Variants in AAMDC observed in about 807,000 individuals in gnomAD.
The protein encoded by AAMDC is mth938 domain-containing protein.
In AAMDC, 16 loss-of-function variants were observed where a neutral mutation model predicts 15.5. The ratio of observed to expected loss-of-function variants is 1.03; its 90% CI spans 0.70 to 1.57. AAMDC has a LOEUF of 1.57. Ranked by LOEUF, AAMDC falls within the 40% of genes most tolerant of loss-of-function variation. The pLI, the probability that AAMDC is intolerant of heterozygous loss-of-function variation, is 0.00. For synonymous variants in AAMDC, 51 were observed against 51.6 expected (o/e 0.99, Z 0.05); for missense variants, 141 against 144.9 (o/e 0.97, Z 0.14).
At chr11:77,883,734 T>A in intron 5 of AAMDC, 1 of 1,263,126 alleles carries the variant, frequency 7.9e-7, no homozygotes, top group Non-Finnish European at 1.1e-6. Context: ...GCCTGATTCA[T>A]CCATGTATTT....
At chr11:77,886,300 T>A (rs1245897460) in intron 5 of AAMDC, among the ~76,000 whole-genome samples, 5 of 152,166 alleles carry the variant, frequency 3.3e-5, no homozygotes, top group Non-Finnish European at 1.5e-5. Flanking sequence ...AAGCCTTCTT[T>A]CATTTGTCTA....
At chr11:77,826,623 T>C (rs1949187666) in intron 1 of AAMDC, among the ~76,000 whole-genome samples, 1 of 152,168 alleles carries the variant, frequency 6.6e-6, no homozygotes, top group South Asian at 2.1e-4. Context: ...CCTGCTACAC[T>C]GGCTAGCCAG....
downstream of AAMDC, among the ~76,000 whole-genome samples, chr11:77,904,426 T>C (rs1472512169): frequency 1.3e-5 from 2 of 152,230 alleles, no homozygotes; most frequent in African/African-American, 2.4e-5. Flanking sequence ...TTTAACCCAG[T>C]ATATCCAAGA....
intron 1 of AAMDC, among the ~76,000 whole-genome samples, chr11:77,838,703 G>T (rs1380507589): frequency 1.4e-5 from 2 of 144,260 alleles, no homozygotes; most frequent in African/African-American, 5.2e-5. Context: ...TGTAAGCTCC[G>T]CCTCCCGGGT....
downstream of AAMDC, chr11:77,903,710 G>A (rs1332307283): frequency 4.3e-6 from 4 of 940,952 alleles, no homozygotes; most frequent in Non-Finnish European, 6.6e-6. Flanking sequence ...TCCTTTGAAA[G>A]TCTCCCATGA....
intron 1 of AAMDC, among the ~76,000 whole-genome samples, chr11:77,827,737 T>C (rs1949243513): frequency 6.6e-6 from 1 of 152,190 alleles, no homozygotes; most frequent in Non-Finnish European, 1.5e-5. Flanking sequence ...TATATCCACT[T>C]ACATTTAATA....
At chr11:77,841,595 C>T (rs1018488123) in intron 1 of AAMDC, among the ~76,000 whole-genome samples, 1 of 152,144 alleles carries the variant, frequency 6.6e-6, no homozygotes, top group Non-Finnish European at 1.5e-5. Flanking sequence ...CCTCTTGAAC[C>T]TTCTTGCTTA....
chr11:77,847,604 A>G lies in AAMDC; in HGVS notation c.132+4976A>G, dbSNP rs78655005. Among the ~76,000 whole-genome samples the G allele has an allele frequency of 1.9e-3, 287 of 152,354 alleles. 3 individuals are homozygous for G. The East Asian group carries it at 0.034, about 18-fold the overall frequency. ...GAAAACTGAGGAATAAGAAGCCTTA[A>G]ATCATGTAGCCTACTTGAACCAAAT... On this transcript the variant is annotated intron_variant, in intron 2 of 3. Coordinates refer to ENST00000393427, the MANE Select transcript of AAMDC (RefSeq NM_024684.4).
At position 77,822,167 on chromosome 11, in the gene AAMDC, C is replaced by T. The variant is rs550260339; in HGVS notation, c.-19+926C>T. Among the ~76,000 whole-genome samples, 10 of 152,152 alleles carry T rather than the reference C, an allele frequency of 6.6e-5. No homozygotes were observed. In the South Asian group the frequency reaches 1.5e-3, roughly 22 times the overall value. ...TTCCTAAAAAGAATTTGGCCGGGCGCGGTGGCTCATGCCTGTAATCCCAAC... is the reference window on the plus strand; with the variant it reads ...TTCCTAAAAAGAATTTGGCCGGGCGTGGTGGCTCATGCCTGTAATCCCAAC... On this transcript the variant is annotated intron_variant, in intron 1 of 3. Coordinates refer to ENST00000393427, the MANE Select transcript of AAMDC (RefSeq NM_024684.4).
intron 5 of AAMDC, among the ~76,000 whole-genome samples, chr11:77,885,664 C>T (rs1951973787): frequency 6.6e-6 from 1 of 151,794 alleles, no homozygotes; most frequent in Admixed American, 6.6e-5. Flanking sequence ...ACTAAAAATA[C>T]AAAAATTAGC....
At chr11:77,899,630 A>G (rs548680204) in intron 5 of AAMDC, among the ~76,000 whole-genome samples, 1 of 152,244 alleles carries the variant, frequency 6.6e-6, no homozygotes, top group South Asian at 2.1e-4. Flanking sequence ...AGATCGGACC[A>G]CTGCACTCCA....
chr11:77,844,436 C>T (rs1950059655), intron 2 of AAMDC, among the ~76,000 whole-genome samples: 1 of 151,920 alleles, frequency 6.6e-6, no homozygotes, highest in Non-Finnish European at 1.5e-5. Context: ...GATCATGGCG[C>T]ACTGTAGTCT....
At position 77,869,773 on chromosome 11, in the gene AAMDC, G is replaced by A; in HGVS notation, c.184G>A (p.Val62Ile). 1 of 1,614,010 alleles carries A rather than the reference G, an allele frequency of 6.2e-7. No homozygotes were observed. Among genetic ancestry groups the A allele is most frequent in the Non-Finnish European group, 8.5e-7 (1 of 1,179,916 alleles). ...TGTGAAGGAAGTTGTTGAGAAGGGTGTACAGACTCTTGTGATTGGCCGAGG... is the reference window on the plus strand; with the variant it reads ...TGTGAAGGAAGTTGTTGAGAAGGGTATACAGACTCTTGTGATTGGCCGAGG... ...ADVKEVVEKG[V>I]QTLVIGRGMS... The change falls in exon 3 of 4, where the codon GTA (valine) becomes ATA (isoleucine). Residue 62 changes from valine to isoleucine, a missense_variant. By Grantham distance (29) the Val-to-Ile change is conservative. Transcript: ENST00000393427.
chr11:77,863,535 T>C (rs965220559), intron 2 of AAMDC, among the ~76,000 whole-genome samples: 4 of 151,858 alleles, frequency 2.6e-5, no homozygotes, highest in African/African-American at 7.3e-5. Flanking sequence ...ATTACAGGCA[T>C]GTGCCACTAC....
chr11:77,853,609 C>T (rs543231473), intron 2 of AAMDC, among the ~76,000 whole-genome samples: 1 of 152,272 alleles, frequency 6.6e-6, no homozygotes, highest in South Asian at 2.1e-4. Context: ...TATCATTCTG[C>T]ATCTGGCCCC....
At chr11:77,869,284 C>T (rs1490467911) in intron 2 of AAMDC, 2 of 170,822 alleles carry the variant, frequency 1.2e-5, no homozygotes, top group Admixed American at 6.3e-5. Flanking sequence ...TGCCTTGTTT[C>T]CCGGATTTCG....
chr11:77,899,399 C>A (rs1258289188), intron 5 of AAMDC, among the ~76,000 whole-genome samples: 1 of 151,914 alleles, frequency 6.6e-6, no homozygotes, highest in Non-Finnish European at 1.5e-5. Context: ...AGGCTGGGCT[C>A]GGTGGCTCAC....
intron 2 of AAMDC, among the ~76,000 whole-genome samples, chr11:77,861,402 G>A (rs1950870570): frequency 2.0e-5 from 3 of 152,206 alleles, no homozygotes; most frequent in Admixed American, 2.0e-4. Flanking sequence ...TCCAGGACAG[G>A]AGAGTAAGAC....
At chr11:77,855,517 G>C in intron 2 of AAMDC, 1 of 169,042 alleles carries the variant, frequency 5.9e-6, no homozygotes, top group Non-Finnish European at 1.3e-5. Flanking sequence ...TTTTAGTAGA[G>C]ACGGGGTGTC....
Sources: allele counts gnomAD v4.1 joint callset (sites outside exome capture counted in the v4.1 genomes callset), GRCh38; gene constraint gnomAD v4.1.1; transcripts MANE v1.5; gene names NCBI Gene and HGNC (gene_info 2026-07-23, HGNC 2026-07-21).